The following FAM91A1 variants were observed in gnomAD, a reference collection of about 807,000 sequenced individuals.
The protein encoded by FAM91A1 is family with sequence similarity 91 member A1, also known as protein FAM91A1.
FAM91A1 carries 41 observed loss-of-function variants against 113.5 expected under a neutral mutation model. The ratio of observed to expected loss-of-function variants is 0.36; its 90% CI spans 0.28 to 0.47. The LOEUF is 0.47. Among genes scored for constraint, FAM91A1 ranks in the 20% least tolerant of loss-of-function variants. FAM91A1 has a pLI of 1.00. For synonymous variants in FAM91A1, 307 were observed against 347.9 expected, an observed-to-expected ratio of 0.88 and a Z score of 1.31; for missense variants, 696 against 1,001.2, an observed-to-expected ratio of 0.70 and a Z score of 4.11.
intron 18 of FAM91A1, among the ~76,000 whole-genome samples, chr8:123,804,516 AAAAAAGAG>A (rs1388843770): frequency 1.3e-5 from 2 of 149,050 alleles, no homozygotes; most frequent in Non-Finnish European, 3.0e-5. Flanking sequence ...AAAAAAAAAA[AAAAAAGAG>A]GTATAGGTCG....
Position 123,809,094 on chromosome 8 carries a change from A to G in FAM91A1, c.2261+78A>G, listed in dbSNP as rs1369612310. The G allele has an allele frequency of 6.4e-6, 10 of 1,558,676 alleles. No homozygotes were observed. In the South Asian group the frequency reaches 1.2e-4, roughly 19 times the overall value. On this transcript the variant is annotated intron_variant, in intron 22 of 23. Coordinates refer to ENST00000334705, the MANE Select transcript of FAM91A1 (RefSeq NM_144963.4). ...CAAATAGTTACCATATCTTACTTTT[A>G]TTCCACACATGAGCACAGTAATTGT...
chr8:123,812,395 T>A, intron 23 of FAM91A1, 124 bp from the exon 24 acceptor site: 2 of 617,526 alleles, frequency 3.2e-6, no homozygotes, highest in Non-Finnish European at 2.5e-6. Context: ...TCTTTGCATC[T>A]CCTGTACTGC....
chr8:123,794,363 T>C lies in FAM91A1; in HGVS notation c.1412-3727T>C, dbSNP rs1380923200. On this transcript the variant is annotated intron_variant, in intron 15 of 23. Transcript: ENST00000334705. The stretch of plus-strand genomic sequence containing the variant: ...TTTTATCATTTATTATCATAAAATA[T>C]ATACAGATCCATTATAAAACATTCA... Among the ~76,000 whole-genome samples, 4 of 152,210 alleles carry C rather than the reference T, an allele frequency of 2.6e-5. No individual in the cohort carries two copies. The East Asian group carries it at 7.7e-4, about 29-fold the overall frequency.
At chr8:123,787,227 C>T in intron 12 of FAM91A1, 34 bp from the exon 13 acceptor site, 2 of 1,452,362 alleles carry the variant, frequency 1.4e-6, no homozygotes, top group Non-Finnish European at 1.9e-6. Context: ...GAATAATTTC[C>T]ATTTACTTGA....
chr8:123,768,865 C>T, intron 1 of FAM91A1, 91 bp downstream of exon 1: 2 of 1,320,936 alleles, frequency 1.5e-6, no homozygotes, highest in Non-Finnish European at 2.1e-6. Flanking sequence ...GAGCGGGCTG[C>T]TGCCGGCTGA....
chr8:123,770,595 T>C (rs1814815592), intron 1 of FAM91A1, among the ~76,000 whole-genome samples: 1 of 152,202 alleles, frequency 6.6e-6, no homozygotes, highest in African/African-American at 2.4e-5. Context: ...TCTTCTTTTC[T>C]TTGTTTCCAT....
chr8:123,781,883 A>G (rs1815133409), intron 8 of FAM91A1, among the ~76,000 whole-genome samples: 1 of 152,218 alleles, frequency 6.6e-6, no homozygotes, highest in African/African-American at 2.4e-5. Context: ...TAGTTTTAAA[A>G]TGAGAAAGAT....
At chr8:123,785,480 G>C in intron 10 of FAM91A1, 149 bp from the exon 11 acceptor site, 1 of 629,458 alleles carries the variant, frequency 1.6e-6, no homozygotes, top group Non-Finnish European at 2.8e-6. Context: ...GACTTCAAGG[G>C]AGGAGCAGGT....
rs898259863 is a variant in FAM91A1 at position 123,789,491 on chromosome 8, G to A, written c.1279-122G>A. The A allele has an allele frequency of 4.9e-6, 7 of 1,439,090 alleles. No homozygotes were observed. The African/African-American group carries it at 1.0e-4, about 21-fold the overall frequency. The allele number at this position is 1,439,090 out of a possible 1,614,324, so 89.1% of individuals were successfully genotyped here. A position where few individuals can be genotyped will look rare whatever the true frequency, so the allele number is the denominator to read the frequency against. On this transcript the variant is annotated intron_variant, in intron 14 of 23. Coordinates refer to ENST00000334705, the MANE Select transcript of FAM91A1 (RefSeq NM_144963.4). ...GAGGTTAATAACTTGTTTCGGTATT[G>A]CCTGGGCAAATTTTTGATTTACTAC...
chr8:123,789,340 A>C (rs1815328812), intron 14 of FAM91A1, among the ~76,000 whole-genome samples: 2 of 152,184 alleles, frequency 1.3e-5, no homozygotes, highest in Admixed American at 1.3e-4. Flanking sequence ...ACTCTATTTG[A>C]ATCATTTGGA....
In FAM91A1 at chr8:123,802,014, G is replaced by A. The variant is rs1446274995; in HGVS notation, c.1809+2129G>A. 2.6e-5 allele frequency among the ~76,000 whole-genome samples: 4 copies of A among 152,108 alleles called. No homozygotes were observed. The East Asian group carries it at 7.7e-4, about 29-fold the overall frequency. ...AGAGACAAGTCTGGAGAAGTAGGCT[G>A]GCCCTGCAGTGCCGCCTGCCTTGAG... On this transcript the variant is annotated intron_variant, in intron 18 of 23. Transcript: ENST00000334705.
chr8:123,812,754 A>G lies in FAM91A1; in HGVS notation c.*50A>G, dbSNP rs1223006671. ...CACTTTCTGCCTTTTTTCTTTCTTA[A>G]CGTTAGCTTTATAGTGTCAGCCACT... On this transcript the variant is annotated 3_prime_UTR_variant, in exon 24 of 24. Transcript: ENST00000334705. The G allele has an allele frequency of 7.0e-7, 1 of 1,431,922 alleles. No individual in the cohort carries two copies. The highest frequency in any genetic ancestry group is 1.5e-5 in the African/African-American group (1 of 68,568). The allele number at this position is 1,431,922 out of a possible 1,614,324, so 88.7% of individuals were successfully genotyped here.
At position 123,814,142 on chromosome 8, in the gene FAM91A1, A is replaced by G. The variant is rs1056729919; in HGVS notation, c.*1438A>G. On this transcript the variant is annotated 3_prime_UTR_variant, in exon 24 of 24. Coordinates refer to ENST00000334705, the MANE Select transcript of FAM91A1 (RefSeq NM_144963.4). ...GTTTGAGGTAAATGCAGTAACGGTT[A>G]GTTTTCTACTTTGTCTTATAGAAGG... is the stretch of plus-strand genomic sequence containing the variant. 6 of 391,846 alleles carry G rather than the reference A, an allele frequency of 1.5e-5. No individual in the cohort carries two copies. Among genetic ancestry groups the G allele is most frequent in the African/African-American group, 1.3e-4 (6 of 45,458 alleles). The allele number at this position is 391,846 out of a possible 1,614,324, so 24.3% of individuals were successfully genotyped here. A position where few individuals can be genotyped will look rare whatever the true frequency, so the allele number is the denominator to read the frequency against.
intron 13 of FAM91A1, 136 bp downstream of exon 13, chr8:123,787,509 T>G (rs1272589274): frequency 2.0e-6 from 2 of 982,966 alleles, no homozygotes; most frequent in Non-Finnish European, 3.0e-6. Context: ...GTATAATAAC[T>G]TTCAGGGAAG....
intron 3 of FAM91A1, among the ~76,000 whole-genome samples, chr8:123,776,815 C>T (rs1197770165): frequency 6.6e-6 from 1 of 152,190 alleles, no homozygotes; most frequent in Non-Finnish European, 1.5e-5. Context: ...TTTAGCTCTT[C>T]TACAGATTGG....
intron 1 of FAM91A1, among the ~76,000 whole-genome samples, chr8:123,769,724 CAAAT>C (rs1814792350): frequency 1.3e-5 from 2 of 151,074 alleles, no homozygotes; most frequent in Admixed American, 1.3e-4. Context: ...AAGACGTAAA[CAAAT>C]AAATGAATAA....
chr8:123,781,311 C>G (rs1815114151), intron 8 of FAM91A1, among the ~76,000 whole-genome samples: 1 of 151,668 alleles, frequency 6.6e-6, no homozygotes, highest in Admixed American at 6.6e-5. Flanking sequence ...AGAGAATGAC[C>G]CTAATATTAA....
rs1283535702 is a variant in FAM91A1, at chr8:123,798,017, A to G, written c.1412-73A>G. Reference sequence around the variant, plus strand: ...ATTTAAAATCTTAAGTCAGTTATCAATATTGCATCTTCAACATTTTTGTTT... The same window carrying G: ...ATTTAAAATCTTAAGTCAGTTATCAGTATTGCATCTTCAACATTTTTGTTT... On this transcript the variant is annotated intron_variant, in intron 15 of 23. Coordinates refer to ENST00000334705, the MANE Select transcript of FAM91A1 (RefSeq NM_144963.4). 4.7e-6 allele frequency: 7 copies of G among 1,487,152 alleles called. No individual in the cohort carries two copies. The African/African-American group carries it at 5.6e-5, about 12-fold the overall frequency. 92.1% of individuals were successfully genotyped at this position (1,487,152 alleles called of 1,614,324 possible). A position where few individuals can be genotyped will look rare whatever the true frequency, so the allele number is the denominator to read the frequency against.
chr8:123,805,279 C>T lies in FAM91A1; in HGVS notation c.1822C>T (p.His608Tyr). The change falls in exon 19 of 24, where the codon CAT (histidine) becomes TAT (tyrosine). Residue 608 changes from histidine to tyrosine, a missense_variant. Coordinates refer to ENST00000334705, the MANE Select transcript of FAM91A1 (RefSeq NM_144963.4). The stretch of plus-strand genomic sequence containing the variant: ...TGTTTATGTTTAGGGGCATGGTCTG[C>T]ATGGGATAGGAGAAACTGTCCATGT... ...SAVLIQGHGL[H>Y]GIGETVHVPF... The T allele has an allele frequency of 6.2e-7, 1 of 1,611,348 alleles. No individual in the cohort carries two copies.
Sources: gnomAD v4.1 joint callset for allele counts (sites outside exome capture counted in the v4.1 genomes callset) on GRCh38, gnomAD v4.1.1 for gene constraint, MANE v1.5 for transcripts, NCBI Gene and HGNC (gene_info 2026-07-23, HGNC 2026-07-21) for gene names.